SOX5: variants seen among roughly 807,000 people sequenced by gnomAD.
The protein encoded by SOX5 is SRY-box transcription factor 5.
Under a neutral mutation model 92.0 loss-of-function variants are expected in SOX5, and 9 were observed. That is an observed-to-expected ratio of 0.10 (90% CI 0.06 to 0.17). The LOEUF (loss-of-function observed/expected upper bound fraction) is 0.17, where lower values mean the gene tolerates loss of function less well. SOX5 is among the 10% of genes least tolerant of loss of function. The pLI is 1.00. For synonymous variants in SOX5, 344 were observed against 336.3 expected (o/e 1.02, Z -0.25); for missense variants, 642 against 944.5 (o/e 0.68, Z 4.20).
chr12:24,216,531 C>CA (rs1432320857), intron 3 of SOX5, among the ~76,000 whole-genome samples: 1 of 152,144 alleles, frequency 6.6e-6, no homozygotes, highest in East Asian at 1.9e-4. Flanking sequence ...ATGGCGTTTC[C>CA]AGTCCCCTCC....
intron 3 of SOX5, chr12:24,230,428 A>G (rs1375305791): frequency 6.6e-6 from 1 of 152,132 alleles, no homozygotes; most frequent in East Asian, 1.9e-4. Context: ...AAAACGGATA[A>G]CTTTCTTTTT....
At chr12:23,713,732 A>G (rs1385692644) in intron 6 of SOX5, among the ~76,000 whole-genome samples, 1 of 148,172 alleles carries the variant, frequency 6.7e-6, no homozygotes, top group Non-Finnish European at 1.5e-5. Flanking sequence ...TTTTATATAT[A>G]TAATATACAT....
chr12:23,574,621 C>T (rs1948846676), intron 10 of SOX5, among the ~76,000 whole-genome samples: 1 of 152,158 alleles, frequency 6.6e-6, no homozygotes, highest in South Asian at 2.1e-4. Context: ...TACATGTAAA[C>T]AATGGTTTCC....
chr12:23,896,104 T>G, intron 1 of SOX5, 80 bp from the exon 2 acceptor site: 1 of 982,724 alleles, frequency 1.0e-6, no homozygotes, highest in Non-Finnish European at 1.6e-6. Flanking sequence ...TAGGGGCCAT[T>G]GTAACAGAAA....
At chr12:23,864,219 T>A (rs796095096) in intron 2 of SOX5, among the ~76,000 whole-genome samples, 1 of 152,168 alleles carries the variant, frequency 6.6e-6, no homozygotes, top group Middle Eastern at 3.2e-3. Flanking sequence ...ACTTAGTAAA[T>A]GCTGTATGTG....
intron 4 of SOX5, among the ~76,000 whole-genome samples, chr12:23,961,941 T>C (rs747451340): frequency 6.6e-6 from 1 of 152,156 alleles, no homozygotes; most frequent in East Asian, 1.9e-4. Flanking sequence ...AAACAACATG[T>C]AGTGAAGTAC....
intron 7 of SOX5, among the ~76,000 whole-genome samples, chr12:23,643,741 G>C (rs2080441399): frequency 6.6e-6 from 1 of 152,114 alleles, no homozygotes; most frequent in Non-Finnish European, 1.5e-5. Context: ...ATGATGTGGA[G>C]GTCACTGGCA....
At chr12:24,429,981 T>C (rs2137040885) in intron 1 of SOX5, among the ~76,000 whole-genome samples, 1 of 152,340 alleles carries the variant, frequency 6.6e-6, no homozygotes, top group Non-Finnish European at 1.5e-5. Context: ...AAGGTAGAAT[T>C]AAGTTATTCC....
chr12:24,153,493 A>G (rs969932022), intron 4 of SOX5, among the ~76,000 whole-genome samples: 1 of 152,128 alleles, frequency 6.6e-6, no homozygotes, highest in African/African-American at 2.4e-5. Context: ...TGCTTTCTAA[A>G]ATAGTTTTCT....
At chr12:23,916,507 T>C (rs533554465) in intron 1 of SOX5, among the ~76,000 whole-genome samples, 2 of 152,296 alleles carry the variant, frequency 1.3e-5, no homozygotes, top group East Asian at 3.9e-4. Context: ...ATGGAGTATA[T>C]AGAAACTATT....
intron 3 of SOX5, among the ~76,000 whole-genome samples, chr12:23,843,843 C>T (rs2096546089): frequency 6.6e-6 from 1 of 152,098 alleles, no homozygotes; most frequent in Non-Finnish European, 1.5e-5. Context: ...GGATTATAGG[C>T]ATGAGCCACC....
chr12:24,194,405 ATAGG>A (rs771951950), intron 4 of SOX5, among the ~76,000 whole-genome samples: 9 of 148,238 alleles, frequency 6.1e-5, no homozygotes, highest in East Asian at 3.9e-4. Flanking sequence ...ATCTATCTAG[ATAGG>A]TAGGTAGGTA....
chr12:23,557,708 G>A (rs1945423629), intron 11 of SOX5, among the ~76,000 whole-genome samples: 1 of 152,184 alleles, frequency 6.6e-6, no homozygotes, highest in East Asian at 1.9e-4. Flanking sequence ...AGGCACATTG[G>A]CTCATGCCTG....
intron 4 of SOX5, among the ~76,000 whole-genome samples, chr12:24,049,520 A>G (rs1453400734): frequency 1.3e-5 from 2 of 152,158 alleles, no homozygotes; most frequent in African/African-American, 2.4e-5. Flanking sequence ...AAATTTGTCA[A>G]TATGATTTTT....
intron 1 of SOX5, among the ~76,000 whole-genome samples, chr12:24,513,995 T>C (rs1041001811): frequency 6.6e-6 from 1 of 152,204 alleles, no homozygotes; most frequent in African/African-American, 2.4e-5. Flanking sequence ...CTGAGAGTTT[T>C]TGAGAGCAGC....
At chr12:24,404,207 T>C (rs1353055135) in intron 1 of SOX5, among the ~76,000 whole-genome samples, 1 of 152,184 alleles carries the variant, frequency 6.6e-6, no homozygotes, top group Non-Finnish European at 1.5e-5. Context: ...AAATATGTTG[T>C]TTTATTACAC....
chr12:23,914,706 G>A (rs2097394166), intron 1 of SOX5, among the ~76,000 whole-genome samples: 1 of 151,974 alleles, frequency 6.6e-6, no homozygotes, highest in Admixed American at 6.6e-5. Flanking sequence ...TTTAAATTCT[G>A]TACTAGTAGT....
At chr12:24,507,381 G>C (rs927671477) in intron 1 of SOX5, among the ~76,000 whole-genome samples, 1 of 151,600 alleles carries the variant, frequency 6.6e-6, no homozygotes, top group African/African-American at 2.4e-5. Context: ...CTAGGATAGA[G>C]ATACTAGATA....
intron 2 of SOX5, among the ~76,000 whole-genome samples, chr12:24,327,581 AATTTTT>A (rs763065367): frequency 6.6e-6 from 1 of 150,920 alleles, no homozygotes; most frequent in African/African-American, 2.4e-5. Context: ...ATGCCCAGCT[AATTTTT>A]ATTTTTATTT....
Sources: allele counts gnomAD v4.1 joint callset (sites outside exome capture counted in the v4.1 genomes callset), GRCh38; gene constraint gnomAD v4.1.1; transcripts MANE v1.5; gene names NCBI Gene and HGNC (gene_info 2026-07-23, HGNC 2026-07-21).